NME7: variants seen among roughly 807,000 people sequenced by gnomAD.
The protein encoded by NME7 is NME/NM23 family member 7.
Under a neutral mutation model 49.1 loss-of-function variants are expected in NME7, and 41 were observed. That is an observed-to-expected ratio of 0.83 (90% confidence interval 0.65 to 1.08). The LOEUF (loss-of-function observed/expected upper bound fraction) is 1.08, where lower values mean the gene tolerates loss of function less well. NME7 is among the 50% of genes least tolerant of loss of function. NME7 has a pLI of 0.00. For missense variants in NME7, 423 were observed against 463.4 expected (o/e 0.91, Z 0.80); for synonymous variants, 139 against 150.6 (o/e 0.92, Z 0.56).
intron 1 of NME7, among the ~76,000 whole-genome samples, chr1:169,329,227 C>T (rs1263316592): frequency 5.9e-5 from 9 of 151,884 alleles, no homozygotes; most frequent in Non-Finnish European, 7.4e-5. Flanking sequence ...CTTTCTCTCC[C>T]ACATATTCCT....
At chr1:169,185,438 T>C (rs1195299780) in intron 10 of NME7, among the ~76,000 whole-genome samples, 2 of 152,216 alleles carry the variant, frequency 1.3e-5, no homozygotes, top group Non-Finnish European at 2.9e-5. Flanking sequence ...GAGTCCTGTG[T>C]ATTTTCTCTG....
At chr1:169,179,709 A>G (rs1659869429) in intron 10 of NME7, among the ~76,000 whole-genome samples, 1 of 152,216 alleles carries the variant, frequency 6.6e-6, no homozygotes, top group African/African-American at 2.4e-5. Context: ...GCAGGAATAG[A>G]AAATCAAATA....
In NME7 at chr1:169,215,483, C is replaced by T. The variant is rs923773524; in HGVS notation, c.990+15235G>A. On this transcript the variant is annotated intron_variant, in intron 10 of 11. Transcript: ENST00000367811. ...AAGGTGAGGCTTCACCAGGGACTCACCCCTGTCTGCCTAGAGTTTCTCTGC... is the reference window on the plus strand; with the variant it reads ...AAGGTGAGGCTTCACCAGGGACTCATCCCTGTCTGCCTAGAGTTTCTCTGC... Among the ~76,000 whole-genome samples the T allele has an allele frequency of 2.6e-5, 4 of 152,094 alleles. No homozygotes were observed. The East Asian group carries it at 5.8e-4, about 22-fold the overall frequency.
intron 10 of NME7, among the ~76,000 whole-genome samples, chr1:169,210,822 C>G (rs1435744193): frequency 1.3e-5 from 2 of 152,112 alleles, no homozygotes; most frequent in Non-Finnish European, 2.9e-5. Context: ...ATCAGCTACC[C>G]TGCCCCAGTC....
intron 6 of NME7, 129 bp from the exon 7 acceptor site, chr1:169,287,537 T>G (rs552245702): frequency 1.4e-6 from 1 of 690,646 alleles, no homozygotes; most frequent in African/African-American, 1.8e-5. Context: ...TGTTTCAGAT[T>G]TTCTAAAAAT....
intron 5 of NME7, among the ~76,000 whole-genome samples, chr1:169,299,644 A>G (rs1243244594): frequency 1.3e-5 from 2 of 151,918 alleles, no homozygotes; most frequent in Non-Finnish European, 2.9e-5. Flanking sequence ...ACTTATGACT[A>G]TTTTTTACAC....
chr1:169,285,832 T>C (rs930368803), intron 7 of NME7: 1 of 152,154 alleles, frequency 6.6e-6, no homozygotes, highest in Non-Finnish European at 1.5e-5. Context: ...AAATACTTCC[T>C]AAAAAATTAA....
chr1:169,239,257 C>T (rs1647986942), intron 7 of NME7, among the ~76,000 whole-genome samples: 1 of 151,838 alleles, frequency 6.6e-6, no homozygotes, highest in Non-Finnish European at 1.5e-5. Flanking sequence ...AAAAATAGGC[C>T]ATGATATATT....
At chr1:169,220,847 ATAAAC>A (rs1338773546) in intron 10 of NME7, among the ~76,000 whole-genome samples, 4 of 152,220 alleles carry the variant, frequency 2.6e-5, no homozygotes, top group Non-Finnish European at 4.4e-5. Context: ...TTCTTTTACT[ATAAAC>A]TAGTAATAGA....
chr1:169,213,962 G>A (rs914659972), intron 10 of NME7, among the ~76,000 whole-genome samples: 4 of 152,028 alleles, frequency 2.6e-5, no homozygotes, highest in African/African-American at 4.8e-5. Context: ...ATATTGATTG[G>A]TGGTAATGAG....
chr1:169,285,734 C>G (rs1171648227), intron 7 of NME7: 1 of 152,144 alleles, frequency 6.6e-6, no homozygotes, highest in Non-Finnish European at 1.5e-5. Flanking sequence ...CCACCTGGCA[C>G]ATAATGGTAT....
chr1:169,349,249 A>G (rs1024994799), intron 1 of NME7, among the ~76,000 whole-genome samples: 1 of 152,168 alleles, frequency 6.6e-6, no homozygotes, highest in African/African-American at 2.4e-5. Context: ...TATCCCCTCC[A>G]GTCATCGGGA....
At chr1:169,201,428 G>A (rs747711517) in intron 10 of NME7, among the ~76,000 whole-genome samples, 2 of 152,114 alleles carry the variant, frequency 1.3e-5, no homozygotes, top group African/African-American at 2.4e-5. Context: ...TGTGGTTACA[G>A]AATTGCAGTG....
intron 7 of NME7, chr1:169,246,866 A>G: frequency 2.8e-6 from 1 of 361,386 alleles, no homozygotes; most frequent in Non-Finnish European, 5.4e-6. Flanking sequence ...GGCATAAGCC[A>G]CTGCATCTGG....
chr1:169,225,676 T>C (rs1647301192), intron 10 of NME7, among the ~76,000 whole-genome samples: 1 of 152,180 alleles, frequency 6.6e-6, no homozygotes. Context: ...AAATTGCAAG[T>C]CTAATATTTC....
At chr1:169,233,287 T>C (rs564117064) in intron 9 of NME7, among the ~76,000 whole-genome samples, 4 of 152,246 alleles carry the variant, frequency 2.6e-5, no homozygotes, top group Admixed American at 2.6e-4. Flanking sequence ...GAAAAATGCC[T>C]CTCATAGTGT....
intron 8 of NME7, 60 bp downstream of exon 8, chr1:169,237,563 T>G: frequency 1.6e-6 from 2 of 1,269,924 alleles, no homozygotes; most frequent in Non-Finnish European, 2.3e-6. Context: ...TGTAAAGCAT[T>G]TTATAACTAT....
intron 10 of NME7, among the ~76,000 whole-genome samples, chr1:169,230,254 G>A (rs901854993): frequency 6.6e-6 from 1 of 151,940 alleles, no homozygotes; most frequent in Admixed American, 6.6e-5. Flanking sequence ...GTTTGCTTTA[G>A]GAAGAAAACC....
At chr1:169,344,160 G>A (rs1351458214) in intron 1 of NME7, among the ~76,000 whole-genome samples, 2 of 152,072 alleles carry the variant, frequency 1.3e-5, no homozygotes, top group African/African-American at 2.4e-5. Context: ...ATTGTAAGTG[G>A]AGTTAATTTC....
Sources: allele counts gnomAD v4.1 joint callset (sites outside exome capture counted in the v4.1 genomes callset), GRCh38; gene constraint gnomAD v4.1.1; transcripts MANE v1.5; gene names NCBI Gene and HGNC (gene_info 2026-07-23, HGNC 2026-07-21).